Variants in KRT3 observed in about 807,000 individuals in gnomAD.
The protein encoded by KRT3 is keratin 3.
Under a neutral mutation model 45.8 loss-of-function variants are expected in KRT3, and 34 were observed. The ratio of observed to expected loss-of-function variants is 0.74; its 90% CI spans 0.57 to 0.99. The LOEUF (loss-of-function observed/expected upper bound fraction) is 0.99, where lower values mean the gene tolerates loss of function less well. Among genes scored for constraint, KRT3 ranks in the 50% least tolerant of loss-of-function variants. The pLI is 0.00. For missense variants in KRT3, 828 were observed against 820.6 expected, an observed-to-expected ratio of 1.01 and a Z score of -0.11; for synonymous variants, 367 against 329.0, an observed-to-expected ratio of 1.12 and a Z score of -1.25.
At position 52,794,095 on chromosome 12, in the gene KRT3, C is replaced by T. The variant is rs762624998; in HGVS notation, c.866+16G>A. The T allele has an allele frequency of 5.0e-6, 8 of 1,603,966 alleles. No individual in the cohort carries two copies. The African/African-American group carries it at 1.1e-4, about 21-fold the overall frequency. ...GGTGGGCCATGGCATCTTCCCACTCCTGCCCTGTCACTCACTTCTTCTTGA... is the reference window on the plus strand; with the variant it reads ...GGTGGGCCATGGCATCTTCCCACTCTTGCCCTGTCACTCACTTCTTCTTGA... On this transcript the variant is annotated intron_variant, in intron 2 of 8. Transcript: ENST00000417996.
In KRT3 at chr12:52,794,121, A is replaced by G. The variant is rs1184028496; in HGVS notation, c.856T>C (p.Phe286Leu). ...TGCCCTGTCACTCACTTCTTCTTGA[A>G]GTCTTCCACCAGGTCCTCCATGTTC... ...LKNMEDLVED[F>L]KKKYEDEINK... Residue 286 changes from phenylalanine to leucine, a missense_variant, in exon 2 of 9, where the codon TTC (phenylalanine) becomes CTC (leucine). By Grantham distance (22) the Phe-to-Leu change is conservative. Transcript: ENST00000417996. 1.2e-6 allele frequency: 2 copies of G among 1,613,636 alleles called. No homozygotes were observed. Among genetic ancestry groups the G allele is most frequent in the Non-Finnish European group, 1.7e-6 (2 of 1,179,584 alleles).
In KRT3 at chr12:52,794,278, G is replaced by C. The variant is rs780972888; in HGVS notation, c.699C>G (p.Leu233=). The change falls in exon 2 of 9, where the codon CTC becomes CTG. Residue 233 remains leucine (L), a synonymous_variant. Transcript: ENST00000417996. ...NKVLETKWNL[L]QQQGTSSISG... ...AGATGGAACTTGTGCCCTGCTGCTG[G>C]AGCAGGTTCCACTTGGTCTCCAGGA... 1 of 1,614,168 alleles carries C rather than the reference G, an allele frequency of 6.2e-7. No individual in the cohort carries two copies. Among genetic ancestry groups the C allele is most frequent in the Non-Finnish European group, 8.5e-7 (1 of 1,180,022 alleles).
chr12:52,791,607 G>T (rs955546374), intron 6 of KRT3, 84 bp downstream of exon 6: 28 of 1,571,808 alleles, frequency 1.8e-5, no homozygotes, highest in Non-Finnish European at 2.4e-5. Flanking sequence ...ACCTCCAGAC[G>T]TCTATTCCAG....
chr12:52,796,080 C>T lies in KRT3; in HGVS notation c.-38G>A. ...GGCGAAGAGAAGAGTGTAAGTTAAG[C>T]AGGGACACTGAGAGTCAGAGGAAGA... On this transcript the variant is annotated 5_prime_UTR_variant, in exon 1 of 9. Transcript: ENST00000417996. 1.2e-6 allele frequency: 2 copies of T among 1,604,712 alleles called. No homozygotes were observed. Among genetic ancestry groups the T allele is most frequent in the East Asian group, 4.5e-5 (2 of 44,826 alleles).
Position 52,796,096 on chromosome 12 carries a change from C to G in KRT3, c.-54G>C. 1 of 1,585,546 alleles carries G rather than the reference C, an allele frequency of 6.3e-7. No homozygotes were observed. The highest frequency in any genetic ancestry group is 8.6e-7 in the Non-Finnish European group (1 of 1,160,152). On this transcript the variant is annotated 5_prime_UTR_variant, in exon 1 of 9. Coordinates refer to ENST00000417996, the MANE Select transcript of KRT3 (RefSeq NM_057088.3). ...TAAGTTAAGCAGGGACACTGAGAGT[C>G]AGAGGAAGAGGGATGGGAAATGAAG...
chr12:52,791,427 C>T lies in KRT3; in HGVS notation c.1315-1G>A. ...CAATGGCCGTCTGCAGGTTGGCATT[C>T]TGGGGCAAGGGAGGTAGGAGGAATG... is the stretch of plus-strand genomic sequence containing the variant. On this transcript the variant is annotated splice_acceptor_variant, in intron 6 of 8. Transcript: ENST00000417996. LOFTEE classifies it high-confidence loss of function. 6.2e-7 allele frequency: 1 copy of T among 1,614,032 alleles called. No homozygotes were observed.
chr12:52,790,713 C>A, intron 8 of KRT3, 125 bp downstream of exon 8: 1 of 904,282 alleles, frequency 1.1e-6, no homozygotes, highest in South Asian at 1.4e-5. Context: ...AATCACTTCC[C>A]TCTCCTCTCC....
At chr12:52,793,588 TTTTTTG>T (rs1327061317) in intron 2 of KRT3, among the ~76,000 whole-genome samples, 2 of 151,914 alleles carry the variant, frequency 1.3e-5, no homozygotes, top group African/African-American at 4.8e-5. Flanking sequence ...AACTCATCCG[TTTTTTG>T]TTTTTGTTTT....
rs370680022 is a variant in KRT3, at chr12:52,790,842, G to C, written c.1566C>G (p.Ser522Arg). The C allele has an allele frequency of 5.9e-5, 94 of 1,596,620 alleles. No homozygotes were observed. Among genetic ancestry groups the C allele is most frequent in the Non-Finnish European group, 7.3e-5 (86 of 1,171,144 alleles). ...TTAGCTACTTTCGGTACTTACAGAT[G>C]CTGACAGCACTCGGACACTCTCCAG... Reference protein sequence around the residue: ...RMSGECPSAVSISVVSSSTTS... With the variant: ...RMSGECPSAVRISVVSSSTTS... Residue 522 changes from serine to arginine, a missense_variant, in exon 8 of 9, where the codon AGC becomes AGG. Physicochemically the swap from Ser to Arg is moderately radical, Grantham distance 110 (BLOSUM62 -1). Coordinates refer to ENST00000417996, the MANE Select transcript of KRT3 (RefSeq NM_057088.3).
At chr12:52,791,539 C>A in intron 6 of KRT3, 113 bp from the exon 7 acceptor site, 1 of 1,427,748 alleles carries the variant, frequency 7.0e-7, no homozygotes, top group South Asian at 1.3e-5. Flanking sequence ...TCCCCTAGTG[C>A]CTCCATCTTG....
At chr12:52,794,361 C>T (rs202099581) in intron 1 of KRT3, 30 bp from the exon 2 acceptor site, 1 of 1,562,872 alleles carries the variant, frequency 6.4e-7, no homozygotes. Context: ...CAACATCAGG[C>T]AACACTTGTA....
At chr12:52,793,083 G>A (rs560310741) in intron 3 of KRT3, 80 bp downstream of exon 3, 43 of 1,123,296 alleles carry the variant, frequency 3.8e-5, no homozygotes, top group Admixed American at 9.6e-5. Flanking sequence ...CAGCTCTGTG[G>A]CAGTGGAGTG....
At position 52,789,892 on chromosome 12, in the gene KRT3, G is replaced by C; in HGVS notation, c.*150C>G. The C allele has an allele frequency of 2.5e-6, 2 of 785,656 alleles. No individual in the cohort carries two copies. Among genetic ancestry groups the C allele is most frequent in the Non-Finnish European group, 4.2e-6 (2 of 479,244 alleles). The allele number at this position is 785,656 out of a possible 1,614,324, so 48.7% of individuals were successfully genotyped here. A position where few individuals can be genotyped will look rare whatever the true frequency, so the allele number is the denominator to read the frequency against. ...ATTCTCGTGACTGGGCTTGGCCGGG[G>C]ATCTGGAAGGAGGAGCAAGAGGCCA... is the stretch of plus-strand genomic sequence containing the variant. On this transcript the variant is annotated 3_prime_UTR_variant, in exon 9 of 9. Transcript: ENST00000417996.
At position 52,795,902 on chromosome 12, in the gene KRT3, G is replaced by T. The variant is rs372128289; in HGVS notation, c.141C>A (p.Ser47Arg). The T allele has an allele frequency of 1.2e-6, 2 of 1,614,030 alleles. No homozygotes were observed. Among genetic ancestry groups the T allele is most frequent in the Admixed American group, 1.7e-5 (1 of 60,032 alleles). ...GAGGGAYGFR[S>R]GAGGFGSRSL... Reference sequence around the variant, plus strand: ...TGCGACTGCCAAAGCCACCTGCTCCGCTCCGGAAGCCATAGGCCCCTCCGC... The same window carrying T: ...TGCGACTGCCAAAGCCACCTGCTCCTCTCCGGAAGCCATAGGCCCCTCCGC... Residue 47 changes from serine (S) to arginine (R), a missense_variant, in exon 1 of 9, where the codon AGC (serine) becomes AGA (arginine). Transcript: ENST00000417996.
Position 52,795,531 on chromosome 12 carries a change from T to G in KRT3, c.512A>C (p.Gln171Pro), listed in dbSNP as rs746623368. ...FGPGGFPGGI[Q>P]EVTINQSLLQ... ...GAGACTCTGGTTGATAGTCACTTCCTGAATTCCCCCAGGAAAGCCCCCAGG... is the reference window on the plus strand; with the variant it reads ...GAGACTCTGGTTGATAGTCACTTCCGGAATTCCCCCAGGAAAGCCCCCAGG... The change falls in exon 1 of 9, where the codon CAG becomes CCG. Residue 171 changes from glutamine to proline, a missense_variant. Gln to Pro is a moderately conservative substitution (Grantham distance 76, BLOSUM62 -1). Transcript: ENST00000417996. The G allele has an allele frequency of 1.9e-6, 3 of 1,613,934 alleles. No homozygotes were observed. The highest frequency in any genetic ancestry group is 2.5e-6 in the Non-Finnish European group (3 of 1,179,992).
intron 4 of KRT3, 97 bp downstream of exon 4, chr12:52,792,614 A>G (rs1939546162): frequency 3.9e-6 from 4 of 1,024,050 alleles, no homozygotes; most frequent in African/African-American, 1.6e-5. Context: ...GGCTCATTCC[A>G]GATGTCTTCT....
intron 2 of KRT3, among the ~76,000 whole-genome samples, chr12:52,793,594 G>T (rs559951974): frequency 1.3e-5 from 2 of 151,784 alleles, no homozygotes; most frequent in African/African-American, 4.8e-5. Context: ...TCCGTTTTTT[G>T]TTTTTGTTTT....
intron 5 of KRT3, 106 bp from the exon 6 acceptor site, chr12:52,791,922 C>G (rs1321555230): frequency 7.9e-7 from 1 of 1,259,470 alleles, no homozygotes; most frequent in Non-Finnish European, 1.1e-6. Flanking sequence ...AAGGCATTTG[C>G]TAAAATGATA....
At chr12:52,792,536 C>T (rs1284819403) in intron 4 of KRT3, 133 bp from the exon 5 acceptor site, 2 of 1,026,030 alleles carry the variant, frequency 1.9e-6, no homozygotes, top group African/African-American at 1.6e-5. Flanking sequence ...ACCCTGTCCG[C>T]AGCCACTCAG....
Sources: allele counts gnomAD v4.1 joint callset (sites outside exome capture counted in the v4.1 genomes callset), GRCh38; gene constraint gnomAD v4.1.1; transcripts MANE v1.5; gene names NCBI Gene and HGNC (gene_info 2026-07-23, HGNC 2026-07-21).